The following RANBP2 variants were observed in gnomAD, a reference collection of about 807,000 sequenced individuals.
RANBP2 encodes E3 SUMO-protein ligase RanBP2.
A neutral mutation model predicts 303.6 loss-of-function variants in RANBP2; 57 were observed. The observed-to-expected ratio is 0.19, with a 90% CI of 0.15 to 0.23. The LOEUF is 0.23. Among genes scored for constraint, RANBP2 ranks in the 10% least tolerant of loss-of-function variants. RANBP2 has a pLI of 1.00. For synonymous variants in RANBP2, 1,167 were observed against 1,301.5 expected, an observed-to-expected ratio of 0.90 and a Z score of 2.23; for missense variants, 3,138 against 3,780.8, an observed-to-expected ratio of 0.83 and a Z score of 4.46.
chr2:109,642,144 T>A, the RANBP2 span, among the ~76,000 whole-genome samples: 1 of 152,110 alleles, frequency 6.6e-6, no homozygotes, highest in Non-Finnish European at 1.5e-5. Context: ...GCTAGGCTGG[T>A]CTCGAACTCC....
chr2:109,430,367 C>A, the RANBP2 span, among the ~76,000 whole-genome samples: 12 of 152,202 alleles, frequency 7.9e-5, no homozygotes, highest in Non-Finnish European at 1.2e-4. Flanking sequence ...ACAAGCCTTC[C>A]ACGGATCCAA....
the RANBP2 span, among the ~76,000 whole-genome samples, chr2:108,851,477 C>A: frequency 6.6e-6 from 1 of 151,906 alleles, no homozygotes; most frequent in African/African-American, 2.4e-5. Flanking sequence ...AATTTTTGTA[C>A]TTTTAGTAGA....
chr2:109,006,121 T>C, the RANBP2 span, among the ~76,000 whole-genome samples: 1 of 152,148 alleles, frequency 6.6e-6, no homozygotes, highest in Non-Finnish European at 1.5e-5. Context: ...GGGGGAACAA[T>C]GTGAACGCGT....
At chr2:109,182,351 T>C in the RANBP2 span, among the ~76,000 whole-genome samples, 1 of 152,180 alleles carries the variant, frequency 6.6e-6, no homozygotes, top group Non-Finnish European at 1.5e-5. Context: ...CCCATGACAA[T>C]GGCATTAACC....
At chr2:108,993,586 T>C in the RANBP2 span, among the ~76,000 whole-genome samples, 1 of 152,136 alleles carries the variant, frequency 6.6e-6, no homozygotes, top group Admixed American at 6.5e-5. Flanking sequence ...TGAAATGCTA[T>C]GTGAACCATT....
At chr2:108,998,431 A>G in the RANBP2 span, among the ~76,000 whole-genome samples, 1 of 152,144 alleles carries the variant, frequency 6.6e-6, no homozygotes, top group Non-Finnish European at 1.5e-5. Context: ...AGTGGAAAAC[A>G]TCTCGTTGGG....
the RANBP2 span, among the ~76,000 whole-genome samples, chr2:109,431,951 C>T: frequency 3.2e-3 from 487 of 152,324 alleles, 4 homozygotes; most frequent in African/African-American, 0.011. Context: ...ACTTAACCAC[C>T]TTTCCCTTAA....
chr2:109,614,981 A>C, the RANBP2 span: 1 of 1,539,736 alleles, frequency 6.5e-7, no homozygotes, highest in Non-Finnish European at 8.7e-7. Context: ...TGCAGCCCCT[A>C]CCGCGGACTC....
At chr2:109,267,683 C>A in the RANBP2 span, among the ~76,000 whole-genome samples, 1 of 152,198 alleles carries the variant, frequency 6.6e-6, no homozygotes, top group Non-Finnish European at 1.5e-5. Context: ...AGGAGCCCCA[C>A]CCGTGATCCC....
At chr2:109,046,889 A>G in the RANBP2 span, among the ~76,000 whole-genome samples, 1 of 151,918 alleles carries the variant, frequency 6.6e-6, no homozygotes, top group Non-Finnish European at 1.5e-5. Context: ...AAAGTAAGGC[A>G]GTGACCCCAA....
the RANBP2 span, among the ~76,000 whole-genome samples, chr2:108,916,712 TGGGGGCAAGA>T: frequency 1.3e-5 from 2 of 151,828 alleles, no homozygotes; most frequent in Non-Finnish European, 2.9e-5. Context: ...GCCGAGGAGG[TGGGGGCAAGA>T]TGGGTGGGAT....
At chr2:109,213,350 C>A in the RANBP2 span, among the ~76,000 whole-genome samples, 2 of 152,180 alleles carry the variant, frequency 1.3e-5, no homozygotes, top group Non-Finnish European at 2.9e-5. Context: ...ATCTTGTCCT[C>A]CAGTGATAAC....
At chr2:109,106,938 T>C in the RANBP2 span, among the ~76,000 whole-genome samples, 3 of 150,660 alleles carry the variant, frequency 2.0e-5, no homozygotes, top group African/African-American at 7.3e-5. Flanking sequence ...CTTCTCCTTT[T>C]TTTTTTTTTT....
Position 108,764,365 on chromosome 2 carries a change from C to T in RANBP2, c.3826C>T (p.Pro1276Ser), listed in dbSNP as rs1156924498. The change falls in exon 20 of 29, where the codon CCA (proline) becomes TCA (serine). Residue 1276 changes from proline to serine, a missense_variant. Around this residue, in one of 20 missense-constraint regions of RANBP2, gnomAD observed 72 missense variants for 119.5 expected, o/e 0.60. Transcript: ENST00000283195. The part of the protein sequence containing the change: ...WHALDYADEL[P>S]KPEQLAIRFK... ...TGCCCTTGATTATGCAGATGAGTTG[C>T]CAAAACCAGAACAACTTGCTATTAG... is the stretch of plus-strand genomic sequence containing the variant. The T allele has an allele frequency of 6.2e-7, 1 of 1,613,684 alleles. No homozygotes were observed.
chr2:109,135,513 C>T, the RANBP2 span, among the ~76,000 whole-genome samples: 2 of 152,192 alleles, frequency 1.3e-5, no homozygotes, highest in East Asian at 1.9e-4. Flanking sequence ...GATTGGCTGT[C>T]GTTTCAGTGC....
the RANBP2 span, among the ~76,000 whole-genome samples, chr2:109,559,183 G>A: frequency 1.3e-5 from 2 of 152,122 alleles, no homozygotes; most frequent in Admixed American, 6.5e-5. Context: ...ACCACGCCTG[G>A]CCAGATATAA....
At chr2:108,864,381 G>T in the RANBP2 span, among the ~76,000 whole-genome samples, 3 of 152,152 alleles carry the variant, frequency 2.0e-5, no homozygotes, top group African/African-American at 7.2e-5. Context: ...ACACATTCAA[G>T]GCCAGTTGTG....
At chr2:109,002,266 G>A in the RANBP2 span, among the ~76,000 whole-genome samples, 1 of 152,230 alleles carries the variant, frequency 6.6e-6, no homozygotes, top group Non-Finnish European at 1.5e-5. Flanking sequence ...ATGGTGCCTG[G>A]GGCCAGCTGT....
the RANBP2 span, among the ~76,000 whole-genome samples, chr2:109,012,456 C>A: frequency 6.6e-6 from 1 of 152,170 alleles, no homozygotes; most frequent in Non-Finnish European, 1.5e-5. Flanking sequence ...CTTTTCCCCC[C>A]AGCCCTGGGA....
Sources: allele counts gnomAD v4.1 joint callset (sites outside exome capture counted in the v4.1 genomes callset), GRCh38; gene constraint gnomAD v4.1.1; regional missense constraint gnomAD v4.1.1; transcripts MANE v1.5; gene names NCBI Gene and HGNC (gene_info 2026-07-23, HGNC 2026-07-21).